RBMS1: variants seen among roughly 807,000 people sequenced by gnomAD.
The protein encoded by RBMS1 is RNA-binding motif, single-stranded-interacting protein 1.
RBMS1 carries 17 observed loss-of-function variants against 62.3 expected under a neutral mutation model. That is an observed-to-expected ratio of 0.27 (90% CI 0.19 to 0.41). The LOEUF (loss-of-function observed/expected upper bound fraction) is 0.41. RBMS1 is among the 10% of genes least tolerant of loss of function. RBMS1 has a pLI of 1.00. For missense variants in RBMS1, 334 were observed against 504.5 expected (o/e 0.66, Z 3.24); for synonymous variants, 172 against 170.0 (o/e 1.01, Z -0.09).
chr2:160,360,274 C>T (rs1276008258), intron 2 of RBMS1, among the ~76,000 whole-genome samples: 1 of 152,120 alleles, frequency 6.6e-6, no homozygotes, highest in African/African-American at 2.4e-5. Flanking sequence ...TGCTCTCTCC[C>T]AGTTAATGCA....
At chr2:160,351,156 C>T (rs1328728225) in intron 2 of RBMS1, among the ~76,000 whole-genome samples, 4 of 149,566 alleles carry the variant, frequency 2.7e-5, no homozygotes, top group Admixed American at 2.7e-4. Context: ...AAGGGGAACA[C>T]CACACACCGG....
intron 1 of RBMS1, among the ~76,000 whole-genome samples, chr2:160,434,191 C>T (rs1683022274): frequency 6.6e-6 from 1 of 152,126 alleles, no homozygotes; most frequent in Admixed American, 6.5e-5. Context: ...AATGAAATAA[C>T]ATTCAATAGA....
At chr2:160,352,018 T>C (rs1489326713) in intron 2 of RBMS1, among the ~76,000 whole-genome samples, 1 of 152,108 alleles carries the variant, frequency 6.6e-6, no homozygotes, top group African/African-American at 2.4e-5. Flanking sequence ...GAGTAGTTTT[T>C]CCACAGACAC....
At chr2:160,337,372 G>A (rs1214209686) in intron 2 of RBMS1, among the ~76,000 whole-genome samples, 3 of 151,994 alleles carry the variant, frequency 2.0e-5, no homozygotes, top group East Asian at 3.9e-4. Context: ...GACCTCAAGT[G>A]ATCCGCCCCA....
chr2:160,400,247 C>A (rs1481792829), intron 1 of RBMS1, among the ~76,000 whole-genome samples: 1 of 152,096 alleles, frequency 6.6e-6, no homozygotes, highest in African/African-American at 2.4e-5. Context: ...AGCCACACCT[C>A]CCACTGCACG....
At chr2:160,436,789 C>G (rs1409011640) in intron 1 of RBMS1, among the ~76,000 whole-genome samples, 1 of 152,090 alleles carries the variant, frequency 6.6e-6, no homozygotes, top group Non-Finnish European at 1.5e-5. Flanking sequence ...AAGCTCATCC[C>G]TGAGGTTTCC....
At chr2:160,343,577 T>A (rs1692005346) in intron 2 of RBMS1, among the ~76,000 whole-genome samples, 1 of 152,116 alleles carries the variant, frequency 6.6e-6, no homozygotes, top group Admixed American at 6.5e-5. Context: ...ATTATTGCCA[T>A]TATAGGAAGT....
chr2:160,333,767 C>T (rs563106143), intron 2 of RBMS1, among the ~76,000 whole-genome samples: 1 of 152,100 alleles, frequency 6.6e-6, no homozygotes, highest in African/African-American at 2.4e-5. Flanking sequence ...AATCAAATTT[C>T]CTTCTAGTGG....
At position 160,328,922 on chromosome 2, in the gene RBMS1, C is replaced by A. The variant is rs748921497; in HGVS notation, c.252-10695G>T. 5.0e-4 allele frequency among the ~76,000 whole-genome samples: 76 copies of A among 152,236 alleles called. 1 individual carries two copies. Among genetic ancestry groups the A allele is most frequent in the Non-Finnish European group, 1.0e-3 (68 of 68,012 alleles). On this transcript the variant is annotated intron_variant, in intron 2 of 13. Coordinates refer to ENST00000348849, the MANE Select transcript of RBMS1 (RefSeq NM_016836.4). ...ACTGCTTCATTCAAAACAAGAACAGCATGACAGACAGTAAAAGTAAACATC... is the reference window on the plus strand; with the variant it reads ...ACTGCTTCATTCAAAACAAGAACAGAATGACAGACAGTAAAAGTAAACATC...
chr2:160,470,965 A>G (rs1684891146), intron 1 of RBMS1, among the ~76,000 whole-genome samples: 1 of 152,204 alleles, frequency 6.6e-6, no homozygotes, highest in Non-Finnish European at 1.5e-5. Context: ...CCACAATAAA[A>G]TCTCCAAATC....
chr2:160,380,281 C>A (rs1269601879), intron 1 of RBMS1, among the ~76,000 whole-genome samples: 1 of 152,072 alleles, frequency 6.6e-6, no homozygotes, highest in African/African-American at 2.4e-5. Context: ...CCCACCCCCA[C>A]CTAAGCCAAA....
chr2:160,358,470 C>T (rs1692931681), intron 2 of RBMS1, among the ~76,000 whole-genome samples: 1 of 152,164 alleles, frequency 6.6e-6, no homozygotes, highest in East Asian at 1.9e-4. Flanking sequence ...CTAGCAATAA[C>T]AGAAGCAAGC....
At chr2:160,303,211 A>G (rs1268277965) in intron 5 of RBMS1, 119 bp downstream of exon 5, 3 of 1,011,662 alleles carry the variant, frequency 3.0e-6, no homozygotes, top group African/African-American at 1.7e-5. Context: ...TTAAGTTCAC[A>G]GTGCAACTGC....
chr2:160,282,951 T>A (rs1395464972), intron 9 of RBMS1: 2 of 152,216 alleles, frequency 1.3e-5, no homozygotes, highest in Non-Finnish European at 2.9e-5. Flanking sequence ...TGAAATTCCA[T>A]ATGTATCTTA....
At chr2:160,388,884 G>A (rs1694717143) in intron 1 of RBMS1, among the ~76,000 whole-genome samples, 1 of 152,230 alleles carries the variant, frequency 6.6e-6, no homozygotes, top group African/African-American at 2.4e-5. Context: ...TCCCCCTGGG[G>A]GGAGGCCTTC....
chr2:160,323,861 A>C (rs1559381218), intron 2 of RBMS1, among the ~76,000 whole-genome samples: 1 of 152,198 alleles, frequency 6.6e-6, no homozygotes, highest in Non-Finnish European at 1.5e-5. Flanking sequence ...CTCTTGGCCC[A>C]AGTGAGCTTG....
chr2:160,324,907 T>TATATATACACACACAC (rs1321182985), intron 2 of RBMS1, among the ~76,000 whole-genome samples: 1 of 106,776 alleles, frequency 9.4e-6, no homozygotes, highest in African/African-American at 4.2e-5. Flanking sequence ...TATATATATA[T>TATATATACACACACAC]ACACACACAC....
At chr2:160,453,628 C>G (rs915435221) in intron 1 of RBMS1, among the ~76,000 whole-genome samples, 3 of 152,176 alleles carry the variant, frequency 2.0e-5, no homozygotes, top group African/African-American at 4.8e-5. Context: ...TGCCACCACT[C>G]CAGCATCATG....
At chr2:160,359,516 T>A (rs889780316) in intron 2 of RBMS1, among the ~76,000 whole-genome samples, 7 of 152,164 alleles carry the variant, frequency 4.6e-5, no homozygotes, top group Non-Finnish European at 1.0e-4. Flanking sequence ...TTTTCCTACC[T>A]CATCATAGGA....
Sources: gnomAD v4.1 joint callset for allele counts (sites outside exome capture counted in the v4.1 genomes callset) on GRCh38, gnomAD v4.1.1 for gene constraint, MANE v1.5 for transcripts, NCBI Gene and HGNC (gene_info 2026-07-23, HGNC 2026-07-21) for gene names.